Variants in SNX29 observed in about 807,000 individuals in gnomAD.
The protein encoded by SNX29 is sorting nexin-29.
A neutral mutation model predicts 102.1 loss-of-function variants in SNX29; 78 were observed. The ratio of observed to expected loss-of-function variants is 0.76; its 90% CI spans 0.64 to 0.92. The LOEUF is 0.92. Among genes scored for constraint, SNX29 ranks in the 40% least tolerant of loss-of-function variants. SNX29 has a pLI of 0.00. For synonymous variants in SNX29, 580 were observed against 414.5 expected (o/e 1.40, Z -4.85); for missense variants, 1,280 against 1,061.7 (o/e 1.21, Z -2.86).
chr16:12,054,728 C>G (rs1370718634), intron 8 of SNX29, among the ~76,000 whole-genome samples: 3 of 152,184 alleles, frequency 2.0e-5, no homozygotes, highest in Non-Finnish European at 4.4e-5. Context: ...AGCAGTTCCT[C>G]AATATAAACC....
At chr16:12,368,706 C>A (rs1478586188) in intron 16 of SNX29, among the ~76,000 whole-genome samples, 1 of 152,144 alleles carries the variant, frequency 6.6e-6, no homozygotes, top group Non-Finnish European at 1.5e-5. Context: ...AGCTTTTTAC[C>A]CCTCCGTTCT....
At chr16:12,321,709 C>G (rs1047501809) in intron 15 of SNX29, among the ~76,000 whole-genome samples, 1 of 152,152 alleles carries the variant, frequency 6.6e-6, no homozygotes, top group African/African-American at 2.4e-5. Flanking sequence ...ATACCCAGGT[C>G]TTATGAGGGC....
In SNX29 at chr16:12,078,895, T is replaced by C; in HGVS notation, c.1382T>C (p.Val461Ala). ...PLSSLLPSAS[V>A]PESMTISELR... ...AGCAGCCTGTTACCTTCTGCCTCAG[T>C]GCCAGAGTCCATGACAATTAGTAAG... Residue 461 changes from valine to alanine, a missense_variant, in exon 11 of 21, where the codon GTG (valine) becomes GCG (alanine). Coordinates refer to ENST00000566228, the MANE Select transcript of SNX29 (RefSeq NM_032167.5). The C allele has an allele frequency of 6.2e-7, 1 of 1,605,144 alleles. No individual in the cohort carries two copies. The highest frequency in any genetic ancestry group is 8.5e-7 in the Non-Finnish European group (1 of 1,176,026).
chr16:12,103,632 G>A (rs1313748876), intron 11 of SNX29, among the ~76,000 whole-genome samples: 1 of 152,164 alleles, frequency 6.6e-6, no homozygotes, highest in African/African-American at 2.4e-5. Context: ...ATAGGCATGG[G>A]CAAAGACTTC....
At chr16:12,559,367 C>T (rs1333996390) in intron 20 of SNX29, among the ~76,000 whole-genome samples, 5 of 151,410 alleles carry the variant, frequency 3.3e-5, no homozygotes, top group Non-Finnish European at 7.4e-5. Context: ...AATCTCATGC[C>T]TGATGATCTC....
At chr16:12,046,334 C>T (rs2050089524) in intron 5 of SNX29, 50 bp from the exon 6 acceptor site, 2 of 1,589,732 alleles carry the variant, frequency 1.3e-6, no homozygotes, top group Non-Finnish European at 1.7e-6. Context: ...GGTTAATGGA[C>T]ACAGAGAACC....
chr16:12,249,493 C>G lies in SNX29; in HGVS notation c.1679-28440C>G, dbSNP rs987420888. ...AGAGTCAGTCCAGGACGGGACTGCACAAGCGTGTGGATCCCAGGAGGTGGG... is the reference window on the plus strand; with the variant it reads ...AGAGTCAGTCCAGGACGGGACTGCAGAAGCGTGTGGATCCCAGGAGGTGGG... On this transcript the variant is annotated intron_variant, in intron 14 of 20. Transcript: ENST00000566228. Among the ~76,000 whole-genome samples the G allele has an allele frequency of 7.9e-5, 12 of 152,346 alleles. 1 individual carries two copies. The highest frequency in any genetic ancestry group is 7.2e-4 in the Admixed American group (11 of 15,310).
intron 18 of SNX29, among the ~76,000 whole-genome samples, chr16:12,415,613 C>G (rs967093275): frequency 3.9e-5 from 6 of 152,206 alleles, no homozygotes; most frequent in African/African-American, 1.4e-4. Flanking sequence ...CTCCGTCAGA[C>G]CTTCCATCCC....
intron 14 of SNX29, among the ~76,000 whole-genome samples, chr16:12,236,151 A>G (rs189869099): frequency 2.2e-4 from 34 of 152,280 alleles, no homozygotes; most frequent in Middle Eastern, 6.8e-3. Context: ...TCCCACATCA[A>G]TCTGACATAA....
chr16:12,188,699 A>G (rs553571157), intron 13 of SNX29, among the ~76,000 whole-genome samples: 2 of 152,292 alleles, frequency 1.3e-5, no homozygotes, highest in East Asian at 1.9e-4. Context: ...TAGTGCAAGG[A>G]TGGTTACGGG....
intron 19 of SNX29, among the ~76,000 whole-genome samples, chr16:12,488,167 A>G (rs2088345283): frequency 6.6e-6 from 1 of 152,224 alleles, no homozygotes. Context: ...TTTATAGACA[A>G]AAGAATCCAG....
intron 11 of SNX29, chr16:12,087,807 T>A (rs937463121): frequency 2.2e-6 from 1 of 455,770 alleles, no homozygotes; most frequent in African/African-American, 2.0e-5. Flanking sequence ...AGCTTCCATA[T>A]CCAGCTGTAT....
intron 6 of SNX29, among the ~76,000 whole-genome samples, chr16:12,046,917 C>T (rs2050112590): frequency 6.6e-6 from 1 of 152,172 alleles, no homozygotes. Context: ...CCGTGCCCGA[C>T]CACAGTGTTG....
chr16:12,398,631 G>A (rs2083811508), intron 17 of SNX29, 130 bp downstream of exon 17: 2 of 1,008,658 alleles, frequency 2.0e-6, no homozygotes, highest in South Asian at 1.4e-5. Flanking sequence ...TGTGGTTCTT[G>A]TAGAGCTGGT....
chr16:12,547,863 G>A (rs1049381575), intron 20 of SNX29, among the ~76,000 whole-genome samples: 2 of 152,160 alleles, frequency 1.3e-5, no homozygotes, highest in Admixed American at 6.5e-5. Context: ...TTAGCAAAAT[G>A]AGCCACTTCC....
At chr16:12,135,529 C>G in intron 13 of SNX29, 2 of 1,320,514 alleles carry the variant, frequency 1.5e-6, no homozygotes, top group Non-Finnish European at 2.0e-6. Context: ...CCAGCCAGTT[C>G]TCTTTGCTAT....
Position 12,571,554 on chromosome 16 carries a change from C to G in SNX29, c.*2925C>G, listed in dbSNP as rs1211516024. The G allele has an allele frequency of 4.0e-6, 4 of 991,560 alleles. No individual in the cohort carries two copies. Among genetic ancestry groups the G allele is most frequent in the African/African-American group, 3.4e-5 (2 of 59,292 alleles). The allele number at this position is 991,560 out of a possible 1,614,324, so 61.4% of individuals were successfully genotyped here. On this transcript the variant is annotated 3_prime_UTR_variant, in exon 21 of 21. Transcript: ENST00000566228. ...CCACCCTTTGCTGGGAGGAAGAATC[C>G]ACACCGAATCCTTCTGTCTTCATGG...
At chr16:12,448,941 A>G (rs1395047797) in intron 18 of SNX29, among the ~76,000 whole-genome samples, 2 of 152,206 alleles carry the variant, frequency 1.3e-5, no homozygotes, top group African/African-American at 4.8e-5. Flanking sequence ...GTTGACTCCC[A>G]GTGATTATCT....
intron 20 of SNX29, among the ~76,000 whole-genome samples, chr16:12,540,136 G>C (rs1196644572): frequency 2.6e-5 from 4 of 152,104 alleles, no homozygotes; most frequent in African/African-American, 4.8e-5. Flanking sequence ...TTTCCTCAAA[G>C]TTTTATAGCT....
Sources: gnomAD v4.1 joint callset for allele counts (sites outside exome capture counted in the v4.1 genomes callset) on GRCh38, gnomAD v4.1.1 for gene constraint, MANE v1.5 for transcripts, NCBI Gene and HGNC (gene_info 2026-07-23, HGNC 2026-07-21) for gene names.